The following WDR11 variants were observed in gnomAD, a reference collection of about 807,000 sequenced individuals.
WDR11 encodes the protein WD repeat-containing protein 11.
In WDR11, 83 loss-of-function variants were observed where a neutral mutation model predicts 151.2. The ratio of observed to expected loss-of-function variants is 0.55; its 90% CI spans 0.46 to 0.66. WDR11 has a LOEUF of 0.66. Among genes scored for constraint, WDR11 ranks in the 30% least tolerant of loss-of-function variants. WDR11 has a pLI of 0.00. For synonymous variants in WDR11, 484 were observed against 533.1 expected, an observed-to-expected ratio of 0.91 and a Z score of 1.27; for missense variants, 1,301 against 1,480.9, an observed-to-expected ratio of 0.88 and a Z score of 1.99.
chr10:120,891,018 A>C, intron 19 of WDR11, 131 bp downstream of exon 19: 1 of 980,042 alleles, frequency 1.0e-6, no homozygotes, highest in Non-Finnish European at 1.6e-6. Context: ...GTTTAAGAAA[A>C]TATATTAACT....
intron 14 of WDR11, among the ~76,000 whole-genome samples, chr10:120,884,139 A>G (rs1298626062): frequency 6.6e-6 from 1 of 152,206 alleles, no homozygotes; most frequent in Non-Finnish European, 1.5e-5. Context: ...AAACATATTC[A>G]AAAATGTTTA....
At position 120,871,362 on chromosome 10, in the gene WDR11, G is replaced by A. The variant is rs756037151; in HGVS notation, c.1471+16G>A. 1.9e-6 allele frequency: 3 copies of A among 1,609,632 alleles called. No individual in the cohort carries two copies. Among genetic ancestry groups the A allele is most frequent in the Non-Finnish European group, 1.7e-6 (2 of 1,178,360 alleles). On this transcript the variant is annotated intron_variant, in intron 10 of 28. Transcript: ENST00000263461. ...CTGGCTGTTGGTGAGTATTTGACCT[G>A]GTCTTTTTTTTTTTAACTCACTTTA...
At chr10:120,858,839 T>TA in intron 3 of WDR11, 43 bp downstream of exon 3, 8 of 1,612,810 alleles carry the variant, frequency 5.0e-6, no homozygotes, top group Non-Finnish European at 5.9e-6. Flanking sequence ...TTGATACACT[T>TA]ACTCTTGGAG....
rs1848202750 is a variant in WDR11 at position 120,909,354 on chromosome 10, A to ACTC, written c.*644_*646dup. 1 of 152,496 alleles carries ACTC rather than the reference A, an allele frequency of 6.6e-6. No individual in the cohort carries two copies. Among genetic ancestry groups the ACTC allele is most frequent in the South Asian group, 2.1e-4 (1 of 4,814 alleles). The allele number at this position is 152,496 out of a possible 1,614,324, so 9.4% of individuals were successfully genotyped here. A position where few individuals can be genotyped will look rare whatever the true frequency, so the allele number is the denominator to read the frequency against. On this transcript the variant is annotated 3_prime_UTR_variant, in exon 29 of 29. Coordinates refer to ENST00000263461, the MANE Select transcript of WDR11 (RefSeq NM_018117.12). ...GAGGTCTTTGATATTTTGAATTTTA[A>ACTC]CTCCTTTTATGATACATCACAGTAA...
intron 9 of WDR11, among the ~76,000 whole-genome samples, chr10:120,867,659 G>A (rs763604703): frequency 1.3e-5 from 2 of 152,126 alleles, no homozygotes; most frequent in Non-Finnish European, 2.9e-5. Flanking sequence ...TATTTTAATT[G>A]TGGGTTTTTT....
At chr10:120,875,977 T>C (rs866083773) in intron 11 of WDR11, among the ~76,000 whole-genome samples, 4 of 137,676 alleles carry the variant, frequency 2.9e-5, no homozygotes, top group African/African-American at 8.0e-5. Context: ...ACCTTTTTTT[T>C]CTTTTTTTTT....
chr10:120,881,513 C>CA (rs2133776107), intron 13 of WDR11, among the ~76,000 whole-genome samples: 1 of 152,218 alleles, frequency 6.6e-6, no homozygotes, highest in East Asian at 1.9e-4. Context: ...TTTTGTAACT[C>CA]ATGAACATGG....
chr10:120,890,620 G>A (rs1169491225), intron 18 of WDR11, 96 bp from the exon 19 acceptor site: 2 of 1,457,172 alleles, frequency 1.4e-6, no homozygotes, highest in East Asian at 2.3e-5. Flanking sequence ...CTTGAACTGG[G>A]CCTTTGCCAC....
chr10:120,874,062 AATGGCT>A (rs1846643015), intron 11 of WDR11, 139 bp downstream of exon 11: 1 of 657,370 alleles, frequency 1.5e-6, no homozygotes, highest in African/African-American at 1.8e-5. Flanking sequence ...ATGTCCAACT[AATGGCT>A]ATGTTAATCA....
intron 3 of WDR11, among the ~76,000 whole-genome samples, chr10:120,859,424 CA>C (rs1846060462): frequency 6.6e-6 from 1 of 151,758 alleles, no homozygotes; most frequent in African/African-American, 2.4e-5. Context: ...CACACCACCA[CA>C]CCCAGCTAAT....
chr10:120,882,555 T>C (rs1370398335), intron 13 of WDR11, among the ~76,000 whole-genome samples: 1 of 151,708 alleles, frequency 6.6e-6, no homozygotes, highest in African/African-American at 2.4e-5. Flanking sequence ...TTTTTTTTTT[T>C]CATAAATATA....
Position 120,906,401 on chromosome 10 carries a change from A to G in WDR11, c.3438-375A>G, listed in dbSNP as rs1325601739. 5.6e-6 allele frequency: 7 copies of G among 1,244,164 alleles called. No individual in the cohort carries two copies. The Admixed American group carries it at 2.5e-4, about 45-fold the overall frequency. The allele number at this position is 1,244,164 out of a possible 1,614,324, so 77.1% of individuals were successfully genotyped here. A position where few individuals can be genotyped will look rare whatever the true frequency, so the allele number is the denominator to read the frequency against. On this transcript the variant is annotated intron_variant, in intron 27 of 28. Transcript: ENST00000263461. ...GACATCCCGTCTGAAAATCTGGAAG[A>G]GGAACAACCATCACTAATTGTGGAG... is the stretch of plus-strand genomic sequence containing the variant.
chr10:120,879,347 C>T (rs984432228), intron 12 of WDR11: 3 of 152,034 alleles, frequency 2.0e-5, no homozygotes, highest in African/African-American at 7.2e-5. Flanking sequence ...GAATCATTCC[C>T]GTCTTTAGTC....
chr10:120,900,531 C>T (rs1165403669), intron 20 of WDR11, among the ~76,000 whole-genome samples: 1 of 152,092 alleles, frequency 6.6e-6, no homozygotes, highest in Non-Finnish European at 1.5e-5. Context: ...ATATTTGCCT[C>T]ATTGCAAAAA....
intron 24 of WDR11, among the ~76,000 whole-genome samples, chr10:120,904,431 A>G (rs953805063): frequency 6.6e-6 from 1 of 152,182 alleles, no homozygotes; most frequent in Non-Finnish European, 1.5e-5. Flanking sequence ...AAAATAGGCA[A>G]TTACTCGAGC....
In WDR11 at chr10:120,885,993, G is replaced by T; in HGVS notation, c.1973+55G>T. ...TTTGTGCCATTAGCATCATGTCTGG[G>T]AAGTTGACAAGTATCATCGGAAGGT... On this transcript the variant is annotated intron_variant, in intron 15 of 28. Transcript: ENST00000263461. The T allele has an allele frequency of 3.7e-6, 6 of 1,608,152 alleles. No individual in the cohort carries two copies. In the South Asian group the frequency reaches 6.6e-5, roughly 18 times the overall value.
chr10:120,889,451 A>G (rs1342287944), intron 17 of WDR11: 1 of 418,872 alleles, frequency 2.4e-6, no homozygotes, highest in Non-Finnish European at 4.5e-6. Context: ...CATGTTAGCC[A>G]GGATGGTCTC....
chr10:120,866,527 G>A (rs182668545), intron 7 of WDR11, 42 bp from the exon 8 acceptor site: 89 of 1,609,854 alleles, frequency 5.5e-5, no homozygotes, highest in Non-Finnish European at 7.1e-5. Context: ...TAGTGGTATC[G>A]ATATGGCTGC....
intron 14 of WDR11, among the ~76,000 whole-genome samples, chr10:120,885,312 T>C (rs953916963): frequency 8.7e-5 from 13 of 149,220 alleles, no homozygotes; most frequent in Admixed American, 3.3e-4. Flanking sequence ...CACACACACA[T>C]ATAAACACAA....
Sources: allele counts gnomAD v4.1 joint callset (sites outside exome capture counted in the v4.1 genomes callset), GRCh38; gene constraint gnomAD v4.1.1; transcripts MANE v1.5; gene names NCBI Gene and HGNC (gene_info 2026-07-23, HGNC 2026-07-21).